COG5: variants seen among roughly 807,000 people sequenced by gnomAD.
The protein encoded by COG5 is component of oligomeric golgi complex 5, also known as conserved oligomeric Golgi complex subunit 5.
A neutral mutation model predicts 110.4 loss-of-function variants in COG5; 86 were observed. The ratio of observed to expected loss-of-function variants is 0.78; its 90% confidence interval spans 0.65 to 0.93. The LOEUF is 0.93. Ranked by LOEUF, COG5 falls within the 40% of genes least tolerant of loss-of-function variation. The pLI, the probability that COG5 is intolerant of heterozygous loss-of-function variation, is 0.00. For synonymous variants in COG5, 360 were observed against 334.6 expected (o/e 1.08, Z -0.83); for missense variants, 1,077 against 987.0 (o/e 1.09, Z -1.22).
chr7:107,223,778 G>A lies in COG5; in HGVS notation c.2168+6837C>T, dbSNP rs2116332561. ...CACAGGCTTTGGAATCAGGCAGCCT[G>A]GGTCTAAAATGTGACTCCCAGATTC... On this transcript the variant is annotated intron_variant, in intron 19 of 21. Coordinates refer to ENST00000297135, the MANE Select transcript of COG5 (RefSeq NM_006348.5). Among the ~76,000 whole-genome samples, 3 of 152,264 alleles carry A rather than the reference G, an allele frequency of 2.0e-5. No individual in the cohort carries two copies. The South Asian group carries it at 6.2e-4, about 32-fold the overall frequency.
intron 10 of COG5, among the ~76,000 whole-genome samples, chr7:107,353,868 A>ATT (rs58372032): frequency 8.6e-5 from 13 of 151,830 alleles, no homozygotes; most frequent in Non-Finnish European, 1.6e-4. Flanking sequence ...ATCATGTGGG[A>ATT]TTTTTTTTCC....
At chr7:107,482,448 T>A (rs946124412) in intron 6 of COG5, among the ~76,000 whole-genome samples, 1 of 152,002 alleles carries the variant, frequency 6.6e-6, no homozygotes, top group African/African-American at 2.4e-5. Context: ...GCCCAACCAA[T>A]ATATATTCTA....
At chr7:107,482,811 T>A (rs147684762) in intron 6 of COG5, among the ~76,000 whole-genome samples, 2 of 152,332 alleles carry the variant, frequency 1.3e-5, no homozygotes, top group East Asian at 3.9e-4. Flanking sequence ...TAAACTGTTA[T>A]GTACTTCACT....
chr7:107,212,842 A>G (rs1799275020), intron 19 of COG5, among the ~76,000 whole-genome samples: 1 of 152,224 alleles, frequency 6.6e-6, no homozygotes, highest in African/African-American at 2.4e-5. Context: ...CACCTTGACC[A>G]TATCACTCCT....
rs569084095 is a variant in COG5, at chr7:107,531,244, A to G, written c.418-3887T>C. Among the ~76,000 whole-genome samples the G allele has an allele frequency of 9.9e-5, 15 of 152,094 alleles. No homozygotes were observed. The South Asian group carries it at 2.3e-3, about 23-fold the overall frequency. On this transcript the variant is annotated intron_variant, in intron 5 of 21. Transcript: ENST00000297135. ...AGTTTAACAAGTTCCTCTATCTTCT[A>G]TATTACCTGTAAATTAGTAGTTGGA...
chr7:107,510,975 A>G (rs1799457026), intron 6 of COG5, among the ~76,000 whole-genome samples: 1 of 152,116 alleles, frequency 6.6e-6, no homozygotes, highest in South Asian at 2.1e-4. Context: ...TAACGTCACA[A>G]TTAAAAGAAC....
At chr7:107,320,699 A>G (rs1220572353) in intron 11 of COG5, among the ~76,000 whole-genome samples, 1 of 152,220 alleles carries the variant, frequency 6.6e-6, no homozygotes, top group Non-Finnish European at 1.5e-5. Context: ...AAGTACGGAA[A>G]GAGAGATCAG....
At chr7:107,411,059 G>A (rs1375369935) in intron 7 of COG5, among the ~76,000 whole-genome samples, 1 of 152,174 alleles carries the variant, frequency 6.6e-6, no homozygotes, top group African/African-American at 2.4e-5. Context: ...CAGTACTGCT[G>A]AAGTCCTAGA....
At chr7:107,305,750 C>G (rs2299421) in intron 11 of COG5, among the ~76,000 whole-genome samples, 65,362 of 151,536 alleles carry the variant, frequency 0.43, 16,924 homozygotes, top group African/African-American at 0.74. Flanking sequence ...TTGCTGTTAG[C>G]TGGAAGCTGA....
intron 7 of COG5, among the ~76,000 whole-genome samples, chr7:107,383,744 C>G (rs1380637761): frequency 6.6e-6 from 1 of 152,268 alleles, no homozygotes; most frequent in South Asian, 2.1e-4. Context: ...GTCTGTACCC[C>G]TTTCTAATGC....
chr7:107,459,035 A>G (rs1447004975), intron 6 of COG5, among the ~76,000 whole-genome samples: 2 of 152,058 alleles, frequency 1.3e-5, no homozygotes, highest in Non-Finnish European at 2.9e-5. Flanking sequence ...GGTAGGAAAC[A>G]GAAAAAATGA....
chr7:107,556,687 T>C (rs1803348668), intron 2 of COG5, among the ~76,000 whole-genome samples: 1 of 152,208 alleles, frequency 6.6e-6, no homozygotes, highest in Non-Finnish European at 1.5e-5. Flanking sequence ...GGTCTGTGGG[T>C]CCTTGGAGAG....
At chr7:107,531,178 T>C (rs1801176726) in intron 5 of COG5, among the ~76,000 whole-genome samples, 1 of 152,314 alleles carries the variant, frequency 6.6e-6, no homozygotes, top group South Asian at 2.1e-4. Context: ...GTCCTAAAGT[T>C]TCCCACAGAC....
At position 107,422,211 on chromosome 7, in the gene COG5, G is replaced by T. The variant is rs187338058; in HGVS notation, c.539-9579C>A. Reference sequence around the variant, plus strand: ...AATCTCCTAGTAATACCAACGAAGAGGAAAAGGAGGAAAACAAATTACTAA... The same window carrying T: ...AATCTCCTAGTAATACCAACGAAGATGAAAAGGAGGAAAACAAATTACTAA... On this transcript the variant is annotated intron_variant, in intron 6 of 21. Coordinates refer to ENST00000297135, the MANE Select transcript of COG5 (RefSeq NM_006348.5). Among the ~76,000 whole-genome samples the T allele has an allele frequency of 1.6e-3, 243 of 151,644 alleles. 1 individual carries two copies. The highest frequency in any genetic ancestry group is 5.6e-3 in the African/African-American group (229 of 41,040).
Position 107,236,612 on chromosome 7 carries a change from T to C in COG5, c.1929A>G (p.Arg643=), listed in dbSNP as rs1317644909. 6.2e-7 allele frequency: 1 copy of C among 1,614,102 alleles called. No homozygotes were observed. The stretch of plus-strand genomic sequence containing the variant: ...AGTGTTTAAAATAGTCACTCATAAC[T>C]CTGGCAATGAAACCTTGTAGCTCCT... ...YMKELQGFIA[R]VMSDYFKHFE... The change falls in exon 18 of 22, where the codon AGA becomes AGG. Residue 643 remains arginine, a synonymous_variant. Transcript: ENST00000297135.
At chr7:107,312,716 G>A (rs1392731698) in intron 11 of COG5, among the ~76,000 whole-genome samples, 1 of 152,184 alleles carries the variant, frequency 6.6e-6, no homozygotes, top group Non-Finnish European at 1.5e-5. Flanking sequence ...GACCAGAAGA[G>A]TCATATTCGA....
chr7:107,316,097 A>G (rs1808713315), intron 11 of COG5, among the ~76,000 whole-genome samples: 1 of 152,242 alleles, frequency 6.6e-6, no homozygotes, highest in Admixed American at 6.5e-5. Context: ...CAACAGAATG[A>G]AAATGAACAC....
At chr7:107,487,525 G>C (rs188554693) in intron 6 of COG5, among the ~76,000 whole-genome samples, 1 of 151,998 alleles carries the variant, frequency 6.6e-6, no homozygotes, top group East Asian at 1.9e-4. Flanking sequence ...AAATGCTTAT[G>C]ACTAATAATT....
chr7:107,382,594 C>T (rs1171527884), intron 7 of COG5, among the ~76,000 whole-genome samples: 2 of 152,096 alleles, frequency 1.3e-5, no homozygotes, highest in South Asian at 2.1e-4. Flanking sequence ...CCCACCACCA[C>T]GCCCAGCTAA....
Sources: allele counts gnomAD v4.1 joint callset (sites outside exome capture counted in the v4.1 genomes callset), GRCh38; gene constraint gnomAD v4.1.1; transcripts MANE v1.5; gene names NCBI Gene and HGNC (gene_info 2026-07-23, HGNC 2026-07-21).